Variants in RNF43 observed in about 807,000 individuals in gnomAD.
RNF43 encodes ring finger protein 43.
A neutral mutation model predicts 78.4 loss-of-function variants in RNF43; 37 were observed. That is an observed-to-expected ratio of 0.47 (90% CI 0.36 to 0.62). The LOEUF is 0.62. RNF43 is among the 20% of genes least tolerant of loss of function. The probability of loss-of-function intolerance (pLI) is 0.00; values close to 1 mark genes in which losing one functional copy is unlikely to be tolerated. For missense variants in RNF43, 774 were observed against 1,007.9 expected, an observed-to-expected ratio of 0.77 and a Z score of 3.14; for synonymous variants, 347 against 395.0, an observed-to-expected ratio of 0.88 and a Z score of 1.44.
intron 2 of RNF43, among the ~76,000 whole-genome samples, chr17:58,400,437 T>C (rs1196744179): frequency 6.6e-6 from 1 of 152,248 alleles, no homozygotes; most frequent in African/African-American, 2.4e-5. Context: ...TGATAGTAAT[T>C]AGGTGAATAA....
At chr17:58,409,572 T>C (rs1455971317) in intron 2 of RNF43, among the ~76,000 whole-genome samples, 1 of 152,178 alleles carries the variant, frequency 6.6e-6, no homozygotes, top group East Asian at 1.9e-4. Flanking sequence ...ACGGTCTCAC[T>C]ATGTTGCCCA....
chr17:58,355,228 T>C (rs994555316), intron 9 of RNF43, among the ~76,000 whole-genome samples: 2 of 152,234 alleles, frequency 1.3e-5, no homozygotes, highest in African/African-American at 4.8e-5. Context: ...ATTCATTTAT[T>C]CACCCAATAA....
chr17:58,362,511 G>A lies in RNF43; in HGVS notation c.687+33C>T, dbSNP rs780283090. ...ACCACCCACCCACACACACGCACAC[G>A]TTCACCGCCGCCAAAGACCCCACAC... On this transcript the variant is annotated intron_variant, in intron 6 of 9. Transcript: ENST00000407977. The A allele has an allele frequency of 1.4e-5, 21 of 1,540,986 alleles. No homozygotes were observed. In the East Asian group the frequency reaches 2.8e-4, roughly 21 times the overall value.
At chr17:58,385,163 T>C (rs1973405799) in intron 2 of RNF43, among the ~76,000 whole-genome samples, 1 of 152,300 alleles carries the variant, frequency 6.6e-6, no homozygotes, top group Middle Eastern at 3.4e-3. Context: ...TGTTTAAATA[T>C]GTATGTTTCC....
chr17:58,363,076 C>T, intron 5 of RNF43, 199 bp downstream of exon 5: 1 of 632,916 alleles, frequency 1.6e-6, no homozygotes, highest in Non-Finnish European at 2.7e-6. Flanking sequence ...ACTCATCTGT[C>T]CTGATCTGTT....
In RNF43 at chr17:58,384,926, T is replaced by C. The variant is rs1450483486; in HGVS notation, c.253-13893A>G. Among the ~76,000 whole-genome samples, 4 of 152,130 alleles carry C rather than the reference T, an allele frequency of 2.6e-5. No individual in the cohort carries two copies. The East Asian group carries it at 7.7e-4, about 29-fold the overall frequency. The stretch of plus-strand genomic sequence containing the variant: ...TTGCTGAATTTCCTCCCTAACAGAG[T>C]TGAAATAGAAAAATGAATGTGTTTG... On this transcript the variant is annotated intron_variant, in intron 2 of 9. Transcript: ENST00000407977.
intron 2 of RNF43, among the ~76,000 whole-genome samples, chr17:58,405,268 G>C (rs1032099434): frequency 6.6e-6 from 1 of 151,190 alleles, no homozygotes; most frequent in African/African-American, 2.4e-5. Context: ...TAGTAGAGAC[G>C]GGGTTTCACC....
At position 58,386,461 on chromosome 17, in the gene RNF43, GA is replaced by G. The variant is rs1250796296; in HGVS notation, c.253-15429del. Among the ~76,000 whole-genome samples, 11 of 152,254 alleles carry G rather than the reference GA, an allele frequency of 7.2e-5. No homozygotes were observed. The East Asian group carries it at 1.5e-3, about 21-fold the overall frequency. The stretch of plus-strand genomic sequence containing the variant: ...CAAAACAAACAACAACACCGTGCAA[GA>G]AGATCATTGCGGAGATAAAATGAAG... On this transcript the variant is annotated intron_variant, in intron 2 of 9. Coordinates refer to ENST00000407977, the MANE Select transcript of RNF43 (RefSeq NM_017763.6).
intron 2 of RNF43, among the ~76,000 whole-genome samples, chr17:58,391,123 T>C (rs1320588205): frequency 6.6e-6 from 1 of 152,190 alleles, no homozygotes; most frequent in East Asian, 1.9e-4. Context: ...TACTGAGTAA[T>C]TGTGAAGCCA....
At chr17:58,402,148 T>C (rs2143646468) in intron 2 of RNF43, among the ~76,000 whole-genome samples, 1 of 152,342 alleles carries the variant, frequency 6.6e-6, no homozygotes, top group East Asian at 1.9e-4. Flanking sequence ...ATTGATGATG[T>C]GTCTCCTGAC....
At chr17:58,368,712 CAAA>C (rs71365882) in intron 3 of RNF43, among the ~76,000 whole-genome samples, 5 of 95,796 alleles carry the variant, frequency 5.2e-5, no homozygotes, top group Admixed American at 1.1e-4. Context: ...GACTCTGTCT[CAAA>C]AAAAAAAAAA....
intron 2 of RNF43, among the ~76,000 whole-genome samples, chr17:58,407,237 C>G (rs889899734): frequency 6.6e-6 from 1 of 151,852 alleles, no homozygotes; most frequent in Non-Finnish European, 1.5e-5. Context: ...CACTACCACA[C>G]CCAGCTAATT....
In RNF43 at chr17:58,360,367, A is replaced by T; in HGVS notation, c.850-116T>A. ...CCTTGCTATTATCTACTTGTAAAAG[A>T]CCTCACAGTAGAATAGGAATGGTAT... is the stretch of plus-strand genomic sequence containing the variant. On this transcript the variant is annotated intron_variant, in intron 7 of 9. Coordinates refer to ENST00000407977, the MANE Select transcript of RNF43 (RefSeq NM_017763.6). This position sits in a 1 kb window ranked among gnomAD's most constrained non-coding sequence, Gnocchi z 4.3. 2 of 712,148 alleles carry T rather than the reference A, an allele frequency of 2.8e-6. No homozygotes were observed. The highest frequency in any genetic ancestry group is 4.8e-5 in the Admixed American group (2 of 41,318). The allele number at this position is 712,148 out of a possible 1,614,324, so 44.1% of individuals were successfully genotyped here. A position where few individuals can be genotyped will look rare whatever the true frequency, so the allele number is the denominator to read the frequency against.
rs147562193 is a variant in RNF43, at chr17:58,399,478, G to A, written c.252+15848C>T. On this transcript the variant is annotated intron_variant, in intron 2 of 9. Transcript: ENST00000407977. ...CAGGCTATAGAATCGTATCTGCTGA[G>A]TTTCAGAAAACATGTTGGGACCAGC... Among the ~76,000 whole-genome samples, 895 of 152,280 alleles carry A rather than the reference G, an allele frequency of 5.9e-3. 5 individuals are homozygous for A. The highest frequency in any genetic ancestry group is 9.6e-3 in the African/African-American group (397 of 41,562).
Position 58,358,973 on chromosome 17 carries a change from T to C in RNF43, c.953-150A>G. On this transcript the variant is annotated intron_variant, in intron 8 of 9. Coordinates refer to ENST00000407977, the MANE Select transcript of RNF43 (RefSeq NM_017763.6). The surrounding 1 kb of genome is among the most constrained non-coding windows in gnomAD (Gnocchi z 6.2). ...ATCAAGGACGTGCCTAAGCTGCCTG[T>C]GCTCTGGGACTCCTTTGTTCCCTCC... 5 of 857,940 alleles carry C rather than the reference T, an allele frequency of 5.8e-6. No individual in the cohort carries two copies. Among genetic ancestry groups the C allele is most frequent in the Non-Finnish European group, 5.1e-6 (3 of 592,194 alleles). 53.1% of individuals were successfully genotyped at this position (857,940 alleles called of 1,614,324 possible).
At chr17:58,385,443 A>C (rs1375342334) in intron 2 of RNF43, among the ~76,000 whole-genome samples, 1 of 152,078 alleles carries the variant, frequency 6.6e-6, no homozygotes, top group Non-Finnish European at 1.5e-5. Flanking sequence ...TTTCCTAGAG[A>C]CTCTGGCTGA....
chr17:58,366,830 T>C (rs556377839), intron 3 of RNF43, among the ~76,000 whole-genome samples: 1 of 152,242 alleles, frequency 6.6e-6, no homozygotes, highest in African/African-American at 2.4e-5. Flanking sequence ...ATTATAATTA[T>C]AATTATTATT....
chr17:58,373,775 C>CT (rs904448520), intron 2 of RNF43, among the ~76,000 whole-genome samples: 7 of 151,602 alleles, frequency 4.6e-5, no homozygotes, highest in South Asian at 2.1e-4. Flanking sequence ...TTCATTTTAA[C>CT]TTTTTTTTTA....
intron 2 of RNF43, among the ~76,000 whole-genome samples, chr17:58,382,460 A>C (rs1973340880): frequency 1.3e-5 from 2 of 152,146 alleles, no homozygotes; most frequent in African/African-American, 4.8e-5. Flanking sequence ...ACTCCCTGTA[A>C]GTTTCAGTTT....
Sources: gnomAD v4.1 joint callset for allele counts (sites outside exome capture counted in the v4.1 genomes callset) on GRCh38, gnomAD v4.1.1 for gene constraint, Gnocchi (gnomAD v3.1) non-coding constraint, MANE v1.5 for transcripts, NCBI Gene and HGNC (gene_info 2026-07-23, HGNC 2026-07-21) for gene names.